GDF7: variants seen among roughly 807,000 people sequenced by gnomAD.
The protein encoded by GDF7 is growth differentiation factor 7, also known as growth/differentiation factor 7.
Under a neutral mutation model 13.4 loss-of-function variants are expected in GDF7, and 12 were observed. The ratio of observed to expected loss-of-function variants is 0.90; its 90% confidence interval spans 0.57 to 1.45. GDF7 has a LOEUF of 1.45. GDF7 is among the 40% of genes most tolerant of loss of function. GDF7 has a pLI of 0.00. For missense variants in GDF7, 651 were observed against 652.4 expected, an observed-to-expected ratio of 1.00 and a Z score of 0.02; for synonymous variants, 330 against 306.4, an observed-to-expected ratio of 1.08 and a Z score of -0.80.
chr2:20,667,387 G>GGCGGCGGCC lies in GDF7; in HGVS notation c.149_150insCGGCGGCCG (p.Gly50_Arg51insGlyGlyArg), dbSNP rs1220098020. 2.2e-6 allele frequency: 2 copies of GGCGGCGGCC among 925,560 alleles called. No individual in the cohort carries two copies. The highest frequency in any genetic ancestry group is 1.3e-4 in the Admixed American group (2 of 15,570). 57.3% of individuals were successfully genotyped at this position (925,560 alleles called of 1,614,324 possible). On this transcript the variant is annotated inframe_insertion, in exon 1 of 2. Transcript: ENST00000272224. The surrounding 1 kb of genome is among the most constrained non-coding windows in gnomAD (Gnocchi z 6.4). ...GGGCGGCGGCGGCGGCGGCGGCGGC[G>GGCGGCGGCC]GGCGGACTCTTGCCCAGGCTGCGGG...
chr2:20,667,484 G>T lies in GDF7; in HGVS notation c.245G>T (p.Arg82Met). 1 of 1,281,188 alleles carries T rather than the reference G, an allele frequency of 7.8e-7. No homozygotes were observed. Among genetic ancestry groups the T allele is most frequent in the Non-Finnish European group, 9.8e-7 (1 of 1,015,734 alleles). 79.4% of individuals were successfully genotyped at this position (1,281,188 alleles called of 1,614,324 possible). Residue 82 changes from arginine to methionine, a missense_variant, in exon 1 of 2, where the codon AGG becomes ATG. Transcript: ENST00000272224. This position sits in a 1 kb window ranked among gnomAD's most constrained non-coding sequence, Gnocchi z 6.4. Reference sequence around the variant, plus strand: ...CGCCGCGCCGCGGGCTCCGGCTTCAGGAACGGCTCGGTGGTGCCGCACCAC... The same window carrying T: ...CGCCGCGCCGCGGGCTCCGGCTTCATGAACGGCTCGGTGGTGCCGCACCAC... ...AARRAAGSGF[R>M]NGSVVPHHFM... is the part of the protein sequence containing the mutation.
Position 20,675,380 on chromosome 2 carries a change from G to A in GDF7, c.*3955G>A, listed in dbSNP as rs1032527618. ...AGCGAACCCAGCAGCCAAACTTTGGGTGAGTGGAAAGTAACTAGATCCCTC... is the reference window on the plus strand; with the variant it reads ...AGCGAACCCAGCAGCCAAACTTTGGATGAGTGGAAAGTAACTAGATCCCTC... On this transcript the variant is annotated 3_prime_UTR_variant, in exon 2 of 2. Transcript: ENST00000272224. 6.6e-6 allele frequency: 1 copy of A among 152,310 alleles called. No individual in the cohort carries two copies. The highest frequency in any genetic ancestry group is 1.5e-5 in the Non-Finnish European group (1 of 68,082). The allele number at this position is 152,310 out of a possible 1,614,324, so 9.4% of individuals were successfully genotyped here. A position where few individuals can be genotyped will look rare whatever the true frequency, so the allele number is the denominator to read the frequency against.
At position 20,670,871 on chromosome 2, in the gene GDF7, G is replaced by T. The variant is rs1399667560; in HGVS notation, c.799G>T (p.Val267Leu). The T allele has an allele frequency of 3.2e-5, 49 of 1,524,322 alleles. No individual in the cohort carries two copies. Among genetic ancestry groups the T allele is most frequent in the Non-Finnish European group, 4.0e-5 (46 of 1,143,872 alleles). 94.4% of individuals were successfully genotyped at this position (1,524,322 alleles called of 1,614,324 possible). Residue 267 changes from valine to leucine, a missense_variant, in exon 2 of 2, where the codon GTG becomes TTG. Physicochemically the swap from Val to Leu is conservative, Grantham distance 32. This residue lies in a region of GDF7 where 487 missense variants were observed against 445.9 expected (regional missense o/e 1.09). Transcript: ENST00000272224. Reference sequence around the variant, plus strand: ...GGGCTCTGCGGCAGAGGAGCGCGCGGTGCTAGTCGTCTCCTCCCGCACGCA... The same window carrying T: ...GGGCTCTGCGGCAGAGGAGCGCGCGTTGCTAGTCGTCTCCTCCCGCACGCA... ...GGGSAAEERA[V>L]LVVSSRTQRK...
At position 20,679,147 on chromosome 2, in the gene GDF7, T is replaced by C. The variant is rs982180184; in HGVS notation, c.*7722T>C. 12 of 152,254 alleles carry C rather than the reference T, an allele frequency of 7.9e-5. No individual in the cohort carries two copies. Among genetic ancestry groups the C allele is most frequent in the Non-Finnish European group, 1.5e-4 (10 of 68,044 alleles). 9.4% of individuals were successfully genotyped at this position (152,254 alleles called of 1,614,324 possible). A position where few individuals can be genotyped will look rare whatever the true frequency, so the allele number is the denominator to read the frequency against. ...CAATCTCTATTTTTCTTAACTATTATATAGCAGTATATATTTGTTGAACAT... is the reference window on the plus strand; with the variant it reads ...CAATCTCTATTTTTCTTAACTATTACATAGCAGTATATATTTGTTGAACAT... On this transcript the variant is annotated 3_prime_UTR_variant, in exon 2 of 2. Transcript: ENST00000272224.
rs925532058 is a variant in GDF7, at chr2:20,678,750, A to G, written c.*7325A>G. 1 of 152,252 alleles carries G rather than the reference A, an allele frequency of 6.6e-6. No homozygotes were observed. Among genetic ancestry groups the G allele is most frequent in the African/African-American group, 2.4e-5 (1 of 41,466 alleles). 9.4% of individuals were successfully genotyped at this position (152,252 alleles called of 1,614,324 possible). ...TCAGCAGCTAAAGACAAAAAGAATT[A>G]TTTTGGTGAGGGGATAGAAATCCTT... On this transcript the variant is annotated 3_prime_UTR_variant, in exon 2 of 2. Coordinates refer to ENST00000272224, the MANE Select transcript of GDF7 (RefSeq NM_182828.4).
Position 20,667,211 on chromosome 2 carries a change from GCCGC to G in GDF7, c.-17_-14del, listed in dbSNP as rs972193116. ...GACTTCCCGGAGCCACGGAGCCCGC[GCCGC>G]CCGCCCGCCCGGCCCACGGAGCCCA... is the stretch of plus-strand genomic sequence containing the variant. On this transcript the variant is annotated 5_prime_UTR_variant, in exon 1 of 2. Coordinates refer to ENST00000272224, the MANE Select transcript of GDF7 (RefSeq NM_182828.4). This position sits in a 1 kb window ranked among gnomAD's most constrained non-coding sequence, Gnocchi z 6.4. The G allele has an allele frequency of 1.1e-4, 130 of 1,155,128 alleles. No individual in the cohort carries two copies. The highest frequency in any genetic ancestry group is 5.9e-4 in the South Asian group (17 of 28,800). The allele number at this position is 1,155,128 out of a possible 1,614,324, so 71.6% of individuals were successfully genotyped here.
rs547509810 is a variant in GDF7, at chr2:20,669,668, G to A, written c.392-796G>A. 2.0e-3 allele frequency among the ~76,000 whole-genome samples: 307 copies of A among 152,312 alleles called. 2 individuals are homozygous for A. Among genetic ancestry groups the A allele is most frequent in the African/African-American group, 7.1e-3 (294 of 41,580 alleles). On this transcript the variant is annotated intron_variant, in intron 1 of 1. Transcript: ENST00000272224. ...CCTTTACTGCCTTTCCCCCTCCTTC[G>A]GAGGCCGCGAGAGCACCGGGAGGAG...
rs914274145 is a variant in GDF7, at chr2:20,676,343, A to C, written c.*4918A>C. On this transcript the variant is annotated 3_prime_UTR_variant, in exon 2 of 2. Transcript: ENST00000272224. ...GGACCCAAAAAGATGTTTATTTCTA[A>C]GTTTTCAGACAGCTTGGCATCTTGT... 1 of 152,248 alleles carries C rather than the reference A, an allele frequency of 6.6e-6. No homozygotes were observed. The highest frequency in any genetic ancestry group is 1.5e-5 in the Non-Finnish European group (1 of 68,056). 9.4% of individuals were successfully genotyped at this position (152,248 alleles called of 1,614,324 possible). A position where few individuals can be genotyped will look rare whatever the true frequency, so the allele number is the denominator to read the frequency against.
chr2:20,667,222 G>A lies in GDF7; in HGVS notation c.-18G>A, dbSNP rs938938330. ...GCCACGGAGCCCGCGCCGCCCGCCC[G>A]CCCGGCCCACGGAGCCCATGGACCT... On this transcript the variant is annotated 5_prime_UTR_variant, in exon 1 of 2. Transcript: ENST00000272224. The surrounding 1 kb of genome is among the most constrained non-coding windows in gnomAD (Gnocchi z 6.4). The A allele has an allele frequency of 7.8e-5, 61 of 780,666 alleles. No homozygotes were observed. Among genetic ancestry groups the A allele is most frequent in the Admixed American group, 1.0e-4 (2 of 19,686 alleles). 48.4% of individuals were successfully genotyped at this position (780,666 alleles called of 1,614,324 possible).
Position 20,675,775 on chromosome 2 carries a change from A to G in GDF7, c.*4350A>G, listed in dbSNP as rs6755956. 1 allele frequency: 152,428 copies of G among 152,574 alleles called. 76,142 individuals are homozygous for G. Among genetic ancestry groups the G allele is most frequent in the Middle Eastern group, 1 (298 of 298 alleles). The allele number at this position is 152,574 out of a possible 1,614,324, so 9.5% of individuals were successfully genotyped here. A position where few individuals can be genotyped will look rare whatever the true frequency, so the allele number is the denominator to read the frequency against. On this transcript the variant is annotated 3_prime_UTR_variant, in exon 2 of 2. Coordinates refer to ENST00000272224, the MANE Select transcript of GDF7 (RefSeq NM_182828.4). Reference sequence around the variant, plus strand: ...CCGGTTTCGCAGCTCTTGCCTGTGCATGTGCATGTGTGTGCGTGTGTCCAT... The same window carrying G: ...CCGGTTTCGCAGCTCTTGCCTGTGCGTGTGCATGTGTGTGCGTGTGTCCAT...
chr2:20,667,188 C>T lies in GDF7; in HGVS notation c.-52C>T. On this transcript the variant is annotated 5_prime_UTR_variant, in exon 1 of 2. Transcript: ENST00000272224. This position sits in a 1 kb window ranked among gnomAD's most constrained non-coding sequence, Gnocchi z 6.4. ...ACTATGTTCAAAAGGCGCCGGGGGA[C>T]TTCCCGGAGCCACGGAGCCCGCGCC... The T allele has an allele frequency of 9.0e-7, 1 of 1,116,504 alleles. No individual in the cohort carries two copies. Among genetic ancestry groups the T allele is most frequent in the Non-Finnish European group, 1.1e-6 (1 of 914,472 alleles). The allele number at this position is 1,116,504 out of a possible 1,614,324, so 69.2% of individuals were successfully genotyped here.
In GDF7 at chr2:20,667,928, G is replaced by A. The variant is rs1158001919; in HGVS notation, c.391+298G>A. ...AGGAGGCAGGCGGAGGCCAAGATTC[G>A]CTTCTTGGGGAATGGTCTGGAGTGG... On this transcript the variant is annotated intron_variant, in intron 1 of 1. Transcript: ENST00000272224. This position sits in a 1 kb window ranked among gnomAD's most constrained non-coding sequence, Gnocchi z 6.4. Among the ~76,000 whole-genome samples, 2 of 152,182 alleles carry A rather than the reference G, an allele frequency of 1.3e-5. No homozygotes were observed. Among genetic ancestry groups the A allele is most frequent in the South Asian group, 2.1e-4 (1 of 4,834 alleles).
chr2:20,669,188 C>T (rs60113612), intron 1 of GDF7, among the ~76,000 whole-genome samples: 5,282 of 152,104 alleles, frequency 0.035, 298 homozygotes, highest in African/African-American at 0.12. Flanking sequence ...TGTGCCTCTC[C>T]GGCCTCCCTC....
rs759999217 is a variant in GDF7 at position 20,671,046 on chromosome 2, C to T, written c.974C>T (p.Ala325Val). ...GGRRRRRTAL[A>V]GTRTAQGSGG... ...CGCAGACGGAGGAGGACGGCGTTGG[C>T]CGGGACGCGGACAGCGCAGGGCAGC... Residue 325 changes from alanine to valine, a missense_variant, in exon 2 of 2, where the codon GCC becomes GTC. Around this residue, in one of 4 missense-constraint regions of GDF7, gnomAD observed 487 missense variants for 445.9 expected, o/e 1.09. Transcript: ENST00000272224. 6.6e-7 allele frequency: 1 copy of T among 1,512,124 alleles called. No individual in the cohort carries two copies. The highest frequency in any genetic ancestry group is 1.3e-5 in the South Asian group (1 of 79,746). The allele number at this position is 1,512,124 out of a possible 1,614,324, so 93.7% of individuals were successfully genotyped here.
At position 20,671,164 on chromosome 2, in the gene GDF7, C is replaced by T. The variant is rs202010435; in HGVS notation, c.1092C>T (p.Asp364=). Residue 364 remains aspartate, a synonymous_variant, in exon 2 of 2, where the codon GAC becomes GAT. Transcript: ENST00000272224. The stretch of plus-strand genomic sequence containing the variant: ...TGGACTTCAAGGAGCTCGGCTGGGA[C>T]GACTGGATCATCGCGCCGCTGGACT... ...LHVDFKELGW[D]DWIIAPLDYE... is the part of the protein sequence containing the mutation. 145 of 1,613,090 alleles carry T rather than the reference C, an allele frequency of 9.0e-5. No homozygotes were observed. The highest frequency in any genetic ancestry group is 1.2e-4 in the Non-Finnish European group (144 of 1,179,818).
intron 1 of GDF7, 139 bp from the exon 2 acceptor site, chr2:20,670,325 G>T: frequency 1.1e-6 from 1 of 941,806 alleles, no homozygotes. Flanking sequence ...GAGACGCGGA[G>T]TCGGGCGCTG....
At position 20,667,666 on chromosome 2, in the gene GDF7, A is replaced by C. The variant is rs867812103; in HGVS notation, c.391+36A>C. 1 of 1,365,914 alleles carries C rather than the reference A, an allele frequency of 7.3e-7. No homozygotes were observed. The highest frequency in any genetic ancestry group is 2.5e-4 in the Middle Eastern group (1 of 4,042). The allele number at this position is 1,365,914 out of a possible 1,614,324, so 84.6% of individuals were successfully genotyped here. On this transcript the variant is annotated intron_variant, in intron 1 of 1. Coordinates refer to ENST00000272224, the MANE Select transcript of GDF7 (RefSeq NM_182828.4). The surrounding 1 kb of genome is among the most constrained non-coding windows in gnomAD (Gnocchi z 6.4). ...CTCTTCTGTGCCCGCCCATCCCGTC[A>C]GGTCCTGGGCTGAGACCAGCCCCGG...
In GDF7 at chr2:20,670,061, T is replaced by C. The variant is rs138400076; in HGVS notation, c.392-403T>C. 4.3e-4 allele frequency among the ~76,000 whole-genome samples: 65 copies of C among 152,220 alleles called. 1 individual carries two copies. The East Asian group carries it at 0.01, about 24-fold the overall frequency. On this transcript the variant is annotated intron_variant, in intron 1 of 1. Coordinates refer to ENST00000272224, the MANE Select transcript of GDF7 (RefSeq NM_182828.4). ...CCTCAGGAGGGGGTGCACGACTTCT[T>C]TTCAACCCAGCCCCGGACTCTGATC...
chr2:20,670,265 C>A (rs556148112), intron 1 of GDF7, among the ~76,000 whole-genome samples, 199 bp from the exon 2 acceptor site: 1 of 152,306 alleles, frequency 6.6e-6, no homozygotes, highest in South Asian at 2.1e-4. Flanking sequence ...ATATCCCGGG[C>A]GAAGACGTCC....
Sources: allele counts gnomAD v4.1 joint callset (sites outside exome capture counted in the v4.1 genomes callset), GRCh38; gene constraint gnomAD v4.1.1; regional missense constraint gnomAD v4.1.1; non-coding constraint Gnocchi (gnomAD v3.1); transcripts MANE v1.5; gene names NCBI Gene and HGNC (gene_info 2026-07-23, HGNC 2026-07-21).